The following TLR10 variants were observed in gnomAD, a reference collection of about 807,000 sequenced individuals.
The protein encoded by TLR10 is toll-like receptor 10.
For missense variants in TLR10, 929 were observed against 932.9 expected (o/e 1.00, Z 0.05); for synonymous variants, 288 against 338.8 (o/e 0.85, Z 1.65).
At position 38,775,650 on chromosome 4, in the gene TLR10, A is replaced by C; in HGVS notation, c.-60T>G. 2 of 1,448,296 alleles carry C rather than the reference A, an allele frequency of 1.4e-6. No homozygotes were observed. Among genetic ancestry groups the C allele is most frequent in the Non-Finnish European group, 1.8e-6 (2 of 1,081,356 alleles). 89.7% of individuals were successfully genotyped at this position (1,448,296 alleles called of 1,614,324 possible). A position where few individuals can be genotyped will look rare whatever the true frequency, so the allele number is the denominator to read the frequency against. On this transcript the variant is annotated splice_region_variant and 5_prime_UTR_variant, in exon 4 of 4. Transcript: ENST00000308973. ...TATGAATGATGAAGATGAGCTCAAA[A>C]CCCTAAAAAAAAGTATATAATATTA...
Position 38,773,005 on chromosome 4 carries a change from T to C in TLR10, c.*150A>G. On this transcript the variant is annotated 3_prime_UTR_variant, in exon 4 of 4. Coordinates refer to ENST00000308973, the MANE Select transcript of TLR10 (RefSeq NM_030956.4). ...AACTTGTGAAGGTGTTTCTATAGGATACATTCTTAGAAATCCTTCTAGAAA... is the reference window on the plus strand; with the variant it reads ...AACTTGTGAAGGTGTTTCTATAGGACACATTCTTAGAAATCCTTCTAGAAA... The C allele has an allele frequency of 1.4e-6, 1 of 691,908 alleles. No individual in the cohort carries two copies. The allele number at this position is 691,908 out of a possible 1,614,324, so 42.9% of individuals were successfully genotyped here. A position where few individuals can be genotyped will look rare whatever the true frequency, so the allele number is the denominator to read the frequency against.
chr4:38,778,298 G>A (rs1366124211), intron 1 of TLR10, among the ~76,000 whole-genome samples: 1 of 152,146 alleles, frequency 6.6e-6, no homozygotes, highest in Non-Finnish European at 1.5e-5. Context: ...GGGGGGCTAG[G>A]GGAGGAATAG....
Position 38,775,315 on chromosome 4 carries a change from A to T in TLR10, c.276T>A (p.Phe92Leu). 1 of 1,614,138 alleles carries T rather than the reference A, an allele frequency of 6.2e-7. No individual in the cohort carries two copies. The highest frequency in any genetic ancestry group is 8.5e-7 in the Non-Finnish European group (1 of 1,180,016). The stretch of plus-strand genomic sequence containing the variant: ...AATATCTTAACTCCTTGTTGAATTC[A>T]AAGGTTTTGAGATCCAGCTGTTGAA... ...NRIQQLDLKT[F>L]EFNKELRYLD... The change falls in exon 4 of 4, where the codon TTT becomes TTA. Residue 92 changes from phenylalanine to leucine, a missense_variant. Physicochemically the swap from Phe to Leu is conservative, Grantham distance 22 (BLOSUM62 0). Coordinates refer to ENST00000308973, the MANE Select transcript of TLR10 (RefSeq NM_030956.4).
chr4:38,781,589 T>G (rs1365938141), intron 1 of TLR10, among the ~76,000 whole-genome samples: 1 of 152,216 alleles, frequency 6.6e-6, no homozygotes, highest in African/African-American at 2.4e-5. Context: ...ATATCCCTAC[T>G]ACTACGTTAA....
In TLR10 at chr4:38,773,104, G is replaced by A. The variant is rs1274012648; in HGVS notation, c.*51C>T. ...TTGCCATCATAAAGGTTGTATCAAT[G>A]TACATCCCAACAGTGTATGTGGTCC... On this transcript the variant is annotated 3_prime_UTR_variant, in exon 4 of 4. Coordinates refer to ENST00000308973, the MANE Select transcript of TLR10 (RefSeq NM_030956.4). The A allele has an allele frequency of 3.5e-6, 5 of 1,419,426 alleles. No homozygotes were observed. Among genetic ancestry groups the A allele is most frequent in the Admixed American group, 2.7e-5 (1 of 37,596 alleles). 87.9% of individuals were successfully genotyped at this position (1,419,426 alleles called of 1,614,324 possible).
intron 1 of TLR10, among the ~76,000 whole-genome samples, chr4:38,778,151 G>A (rs1725173547): frequency 2.6e-5 from 4 of 152,160 alleles, no homozygotes; most frequent in Admixed American, 6.5e-5. Context: ...CCTTTGCAGG[G>A]ACATGGATGA....
rs1210563342 is a variant in TLR10, at chr4:38,772,487, G to GT, written c.*667dup. The GT allele has an allele frequency of 6.6e-6, 1 of 151,836 alleles. No individual in the cohort carries two copies. The highest frequency in any genetic ancestry group is 1.5e-5 in the Non-Finnish European group (1 of 67,958). 9.4% of individuals were successfully genotyped at this position (151,836 alleles called of 1,614,324 possible). A position where few individuals can be genotyped will look rare whatever the true frequency, so the allele number is the denominator to read the frequency against. ...CTAATAGTTTATAACATATTAATAT[G>GT]TTTTTTCCATACCAGGAAATATACA... On this transcript the variant is annotated 3_prime_UTR_variant, in exon 4 of 4. Transcript: ENST00000308973.
In TLR10 at chr4:38,774,576, G is replaced by T. The variant is rs771551620; in HGVS notation, c.1015C>A (p.Pro339Thr). 1.9e-6 allele frequency: 3 copies of T among 1,594,078 alleles called. No homozygotes were observed. The highest frequency in any genetic ancestry group is 2.6e-6 in the Non-Finnish European group (3 of 1,173,800). Reference sequence around the variant, plus strand: ...GGATAATTCGGGAAAAGCATGTGTGGCATTTGTGCATTTGATATTGTCAGG... The same window carrying T: ...GGATAATTCGGGAAAAGCATGTGTGTCATTTGTGCATTTGATATTGTCAGG... ...ENLTISNAQM[P>T]HMLFPNYPTK... The change falls in exon 4 of 4, where the codon CCA becomes ACA. Residue 339 changes from proline (P) to threonine (T), a missense_variant. Physicochemically the swap from Pro to Thr is conservative, Grantham distance 38. Coordinates refer to ENST00000308973, the MANE Select transcript of TLR10 (RefSeq NM_030956.4).
chr4:38,778,513 G>T (rs1725206012), intron 1 of TLR10, among the ~76,000 whole-genome samples: 2 of 152,150 alleles, frequency 1.3e-5, no homozygotes, highest in African/African-American at 4.8e-5. Flanking sequence ...GAGCCACAAG[G>T]CTGGCAGGGA....
In TLR10 at chr4:38,776,143, T is replaced by C. The variant is rs1005944784; in HGVS notation, c.-285A>G. The C allele has an allele frequency of 6.5e-6, 1 of 154,110 alleles. No individual in the cohort carries two copies. The allele number at this position is 154,110 out of a possible 1,614,324, so 9.5% of individuals were successfully genotyped here. A position where few individuals can be genotyped will look rare whatever the true frequency, so the allele number is the denominator to read the frequency against. On this transcript the variant is annotated 5_prime_UTR_variant, in exon 2 of 4. Transcript: ENST00000308973. Reference sequence around the variant, plus strand: ...TGGAAGTTTCAAAACAGGAAACAAATAGAATTATTCCTGTCCTTCTGCCTC... The same window carrying C: ...TGGAAGTTTCAAAACAGGAAACAAACAGAATTATTCCTGTCCTTCTGCCTC...
chr4:38,780,568 C>T (rs2109322676), intron 1 of TLR10, among the ~76,000 whole-genome samples: 1 of 152,216 alleles, frequency 6.6e-6, no homozygotes, highest in Non-Finnish European at 1.5e-5. Flanking sequence ...AGGCATAAGA[C>T]AATGTATGTA....
intron 1 of TLR10, among the ~76,000 whole-genome samples, chr4:38,780,576 G>A (rs1725343732): frequency 1.3e-5 from 2 of 152,170 alleles, no homozygotes; most frequent in Non-Finnish European, 2.9e-5. Context: ...GACAATGTAT[G>A]TAAGTCACTT....
rs1316265852 is a variant in TLR10, at chr4:38,777,727, T to G, written c.-568-1301A>C. 3.9e-5 allele frequency among the ~76,000 whole-genome samples: 6 copies of G among 152,008 alleles called. No individual in the cohort carries two copies. The East Asian group carries it at 1.2e-3, about 29-fold the overall frequency. ...TCATGATCACTGGTCATTAGAGAAA[T>G]GCAAATCAAAACCACAATGAGATAC... is the stretch of plus-strand genomic sequence containing the variant. On this transcript the variant is annotated intron_variant, in intron 1 of 3. Transcript: ENST00000308973.
At position 38,773,195 on chromosome 4, in the gene TLR10, C is replaced by A. The variant is rs4129008; in HGVS notation, c.2396G>T (p.Arg799Leu). 1 of 1,554,822 alleles carries A rather than the reference C, an allele frequency of 6.4e-7. No homozygotes were observed. Among genetic ancestry groups the A allele is most frequent in the South Asian group, 1.3e-5 (1 of 78,918 alleles). ...QTFTELNEES[R>L]GSTISLMRTD... Reference sequence around the variant, plus strand: ...TCTCATCAGAGAGATTGTAGAACCTCGAGACTCTTCATTTAACTCTGTGAA... The same window carrying A: ...TCTCATCAGAGAGATTGTAGAACCTAGAGACTCTTCATTTAACTCTGTGAA... The change falls in exon 4 of 4, where the codon CGA becomes CTA. Residue 799 changes from arginine (R) to leucine (L), a missense_variant. Coordinates refer to ENST00000308973, the MANE Select transcript of TLR10 (RefSeq NM_030956.4).
At chr4:38,782,624 G>GA (rs1308441179) in intron 1 of TLR10, among the ~76,000 whole-genome samples, 3 of 152,138 alleles carry the variant, frequency 2.0e-5, no homozygotes, top group Admixed American at 2.0e-4. Context: ...ATAAGAGCTA[G>GA]AAAAAACTTG....
chr4:38,774,137 C>G lies in TLR10; in HGVS notation c.1454G>C (p.Ser485Thr). The G allele has an allele frequency of 6.2e-7, 1 of 1,610,046 alleles. No homozygotes were observed. Among genetic ancestry groups the G allele is most frequent in the Non-Finnish European group, 8.5e-7 (1 of 1,177,376 alleles). The stretch of plus-strand genomic sequence containing the variant: ...CAGAACTGAAAGTCTACTGAAATGA[C>G]TGCATCCAGGGAGATCAGTTAGAAA... ...FNFLTDLPGC[S>T]HFSRLSVLNI... The change falls in exon 4 of 4, where the codon AGT (serine) becomes ACT (threonine). Residue 485 changes from serine to threonine, a missense_variant. Physicochemically the swap from Ser to Thr is moderately conservative, Grantham distance 58. Coordinates refer to ENST00000308973, the MANE Select transcript of TLR10 (RefSeq NM_030956.4).
At chr4:38,781,338 CTT>C (rs34846566) in intron 1 of TLR10, among the ~76,000 whole-genome samples, 25 of 144,756 alleles carry the variant, frequency 1.7e-4, no homozygotes, top group East Asian at 4.0e-4. Flanking sequence ...AGGACATACA[CTT>C]TTTTTTTTTT....
In TLR10 at chr4:38,772,893, T is replaced by C; in HGVS notation, c.*262A>G. The C allele has an allele frequency of 4.3e-6, 1 of 232,490 alleles. No individual in the cohort carries two copies. The highest frequency in any genetic ancestry group is 9.7e-5 in the East Asian group (1 of 10,308). The allele number at this position is 232,490 out of a possible 1,614,324, so 14.4% of individuals were successfully genotyped here. On this transcript the variant is annotated 3_prime_UTR_variant, in exon 4 of 4. Transcript: ENST00000308973. ...ACCTTGGCCTCCCATAGTGCTGGGA[T>C]TACAAGAGTGAGCCACTGCACCTGG...
Position 38,773,912 on chromosome 4 carries a change from C to T in TLR10, c.1679G>A (p.Arg560Lys), listed in dbSNP as rs756121646. The T allele has an allele frequency of 2.4e-5, 38 of 1,591,444 alleles. No homozygotes were observed. The highest frequency in any genetic ancestry group is 3.0e-5 in the Non-Finnish European group (35 of 1,169,290). Residue 560 changes from arginine to lysine, a missense_variant, in exon 4 of 4, where the codon AGG (arginine) becomes AAG (lysine). Transcript: ENST00000308973. Reference protein sequence around the residue: ...SYTCEYPLNLRGTRLKDVHLH... With the variant: ...SYTCEYPLNLKGTRLKDVHLH... ...ATGAACGTCTTTTAACCTAGTTCCC[C>T]TTAGGTTTAAAGGGTATTCACAGGT...
Sources: allele counts gnomAD v4.1 joint callset (sites outside exome capture counted in the v4.1 genomes callset), GRCh38; gene constraint gnomAD v4.1.1; transcripts MANE v1.5; gene names NCBI Gene and HGNC (gene_info 2026-07-23, HGNC 2026-07-21).